Variants in LYRM4 observed in about 807,000 individuals in gnomAD.
LYRM4 encodes the protein LYR motif-containing protein 4.
In LYRM4, 9 loss-of-function variants were observed where a neutral mutation model predicts 11.7. That is an observed-to-expected ratio of 0.77 (90% confidence interval 0.46 to 1.34). The LOEUF (loss-of-function observed/expected upper bound fraction) is 1.34, where lower values mean the gene tolerates loss of function less well. LYRM4 is among the 40% of genes most tolerant of loss of function. The pLI, the probability that LYRM4 is intolerant of heterozygous loss-of-function variation, is 0.00. For synonymous variants in LYRM4, 42 were observed against 40.4 expected (o/e 1.04, Z -0.15); for missense variants, 133 against 112.5 (o/e 1.18, Z -0.82).
At chr6:5,119,796 A>G (rs377215431) in intron 2 of LYRM4, among the ~76,000 whole-genome samples, 78 of 141,510 alleles carry the variant, frequency 5.5e-4, no homozygotes, top group African/African-American at 2.0e-3. Flanking sequence ...CTCCATAACA[A>G]AAAAAAAAAA....
intron 2 of LYRM4, among the ~76,000 whole-genome samples, chr6:5,114,231 T>C (rs771050473): frequency 6.6e-6 from 1 of 152,216 alleles, no homozygotes; most frequent in Non-Finnish European, 1.5e-5. Flanking sequence ...ATAAGTTTGA[T>C]ATGGGAGCTA....
At chr6:5,164,695 T>TG (rs1758966358) in intron 2 of LYRM4, among the ~76,000 whole-genome samples, 1 of 152,110 alleles carries the variant, frequency 6.6e-6, no homozygotes, top group South Asian at 2.1e-4. Flanking sequence ...TGGCCGGGTG[T>TG]GGCGGCTCAT....
downstream of LYRM4, chr6:5,105,021 T>C (rs1386890500): frequency 6.6e-6 from 1 of 152,192 alleles, no homozygotes; most frequent in East Asian, 1.9e-4. Flanking sequence ...AGACCTGCAG[T>C]TTTGGCCGTT....
chr6:5,100,256 T>C (rs958610908), downstream of LYRM4, among the ~76,000 whole-genome samples: 1 of 152,030 alleles, frequency 6.6e-6, no homozygotes, highest in Non-Finnish European at 1.5e-5. Context: ...GGATGCTGGG[T>C]TCTTGCCTGG....
chr6:5,235,161 G>T (rs1435676478), intron 1 of LYRM4, among the ~76,000 whole-genome samples: 1 of 151,800 alleles, frequency 6.6e-6, no homozygotes, highest in Non-Finnish European at 1.5e-5. Context: ...AATTTTTTTT[G>T]AGACGGACTC....
intron 2 of LYRM4, among the ~76,000 whole-genome samples, chr6:5,178,688 C>G (rs1759867016): frequency 6.6e-6 from 1 of 150,728 alleles, no homozygotes; most frequent in Non-Finnish European, 1.5e-5. Context: ...ACCTGTAATC[C>G]CAGCTACTCC....
chr6:5,043,643 G>A, the LYRM4 span, among the ~76,000 whole-genome samples: 1 of 152,138 alleles, frequency 6.6e-6, no homozygotes, highest in Non-Finnish European at 1.5e-5. Context: ...AGTATGCTTT[G>A]CTTCAGCCTC....
the LYRM4 span, chr6:5,066,691 G>T: frequency 1.1e-6 from 1 of 916,724 alleles, no homozygotes; most frequent in Non-Finnish European, 1.8e-6. Flanking sequence ...TGCAGCAATA[G>T]GTGTGGAGGT....
At chr6:5,095,506 G>A in the LYRM4 span, among the ~76,000 whole-genome samples, 7 of 152,188 alleles carry the variant, frequency 4.6e-5, no homozygotes, top group Non-Finnish European at 1.5e-5. Flanking sequence ...GATTTCAACA[G>A]TTGGCTGCCT....
At chr6:5,225,282 A>C (rs4959336) in intron 1 of LYRM4, among the ~76,000 whole-genome samples, 53,982 of 149,888 alleles carry the variant, frequency 0.36, 11,011 homozygotes, top group East Asian at 0.57. Flanking sequence ...TTTAAAAAAA[A>C]CTTAAAGTCA....
At chr6:5,248,446 G>A (rs1285226510) in intron 1 of LYRM4, among the ~76,000 whole-genome samples, 1 of 152,232 alleles carries the variant, frequency 6.6e-6, no homozygotes, top group African/African-American at 2.4e-5. Context: ...CAATGCCGAG[G>A]ACCACGTTCT....
At chr6:5,072,576 G>GT in the LYRM4 span, among the ~76,000 whole-genome samples, 3,516 of 131,630 alleles carry the variant, frequency 0.027, 85 homozygotes, top group African/African-American at 0.063. Context: ...TCACATCAAA[G>GT]TTTTTTTTTT....
chr6:5,260,598 T>TGCCCCGGCCCCGGGGCCCCCCCC, intron 1 of LYRM4, 50 bp downstream of exon 1: 7 of 1,105,558 alleles, frequency 6.3e-6, no homozygotes, highest in Non-Finnish European at 9.1e-6. Context: ...GCACCCCCGG[T>TGCCCCGGCCCCGGGGCCCCCCCC]CCCCGGCCCC....
chr6:5,258,281 C>G (rs1265017131), intron 1 of LYRM4, among the ~76,000 whole-genome samples: 1 of 152,194 alleles, frequency 6.6e-6, no homozygotes. Context: ...TTACTTAAGG[C>G]ACAATTCGCA....
chr6:5,190,124 GA>G (rs1760666115), intron 2 of LYRM4, among the ~76,000 whole-genome samples: 1 of 152,096 alleles, frequency 6.6e-6, no homozygotes. Context: ...AATCAGTTCT[GA>G]GTTGATTTTG....
At chr6:5,186,006 G>C (rs1430931608) in intron 2 of LYRM4, among the ~76,000 whole-genome samples, 1 of 152,186 alleles carries the variant, frequency 6.6e-6, no homozygotes, top group African/African-American at 2.4e-5. Context: ...AGGTCAAACT[G>C]GACAAAGGCA....
At chr6:5,042,885 C>G in the LYRM4 span, 5 of 152,340 alleles carry the variant, frequency 3.3e-5, no homozygotes, top group African/African-American at 1.2e-4. Context: ...TGCACCGTCC[C>G]CTCCACACCT....
chr6:5,123,470 C>T (rs988067192), intron 2 of LYRM4, among the ~76,000 whole-genome samples: 5 of 152,206 alleles, frequency 3.3e-5, no homozygotes, highest in East Asian at 1.9e-4. Flanking sequence ...ATCTAGGAGA[C>T]ATCTGAGTAT....
chr6:5,140,702 C>A (rs769243197), intron 2 of LYRM4, among the ~76,000 whole-genome samples: 16 of 152,178 alleles, frequency 1.1e-4, no homozygotes, highest in Non-Finnish European at 1.9e-4. Context: ...GATTCTTAAC[C>A]ATTCAACAAA....
Sources: gnomAD v4.1 joint callset for allele counts (sites outside exome capture counted in the v4.1 genomes callset) on GRCh38, gnomAD v4.1.1 for gene constraint, MANE v1.5 for transcripts, NCBI Gene and HGNC (gene_info 2026-07-23, HGNC 2026-07-21) for gene names.